Variants in FAM174A observed in about 807,000 individuals in gnomAD.
FAM174A encodes the protein membrane protein FAM174A.
Under a neutral mutation model 14.3 loss-of-function variants are expected in FAM174A, and 14 were observed. The ratio of observed to expected loss-of-function variants is 0.98; its 90% CI spans 0.65 to 1.53. The LOEUF (loss-of-function observed/expected upper bound fraction) is 1.53. Among genes scored for constraint, FAM174A ranks in the 40% most tolerant of loss-of-function variants. FAM174A has a pLI of 0.00. For missense variants in FAM174A, 241 were observed against 249.6 expected (o/e 0.97, Z 0.23); for synonymous variants, 108 against 111.4 (o/e 0.97, Z 0.19).
intron 2 of FAM174A, among the ~76,000 whole-genome samples, chr5:100,581,903 G>C (rs1004863805): frequency 9.2e-5 from 14 of 152,100 alleles, no homozygotes; most frequent in Non-Finnish European, 2.1e-4. Context: ...ATGCTAATTT[G>C]CATATGTTTT....
At chr5:100,557,190 A>G (rs1746409055) in intron 1 of FAM174A, among the ~76,000 whole-genome samples, 1 of 151,606 alleles carries the variant, frequency 6.6e-6, no homozygotes, top group Non-Finnish European at 1.5e-5. Context: ...TTCTGCATCT[A>G]TTGAGATAAT....
chr5:100,571,691 T>TATATATATAC (rs1320690709), intron 2 of FAM174A, among the ~76,000 whole-genome samples: 168 of 146,594 alleles, frequency 1.1e-3, no homozygotes, highest in African/African-American at 3.6e-3. Context: ...TATATATATA[T>TATATATATAC]ACACACACAC....
intron 1 of FAM174A, among the ~76,000 whole-genome samples, chr5:100,551,044 AG>A (rs1746252624): frequency 6.6e-6 from 1 of 152,186 alleles, no homozygotes. Context: ...TAGAGAATGA[AG>A]GGAAGGTTAA....
At chr5:100,576,462 G>A (rs1289509008) in intron 2 of FAM174A, among the ~76,000 whole-genome samples, 2 of 152,106 alleles carry the variant, frequency 1.3e-5, no homozygotes, top group African/African-American at 2.4e-5. Context: ...ACTCTTTTAT[G>A]TCTCTTTCTT....
intron 1 of FAM174A, among the ~76,000 whole-genome samples, chr5:100,549,795 A>T (rs1561314328): frequency 6.6e-6 from 1 of 152,144 alleles, no homozygotes; most frequent in Non-Finnish European, 1.5e-5. Context: ...AAAAATGCTA[A>T]AGGAATTCAA....
chr5:100,543,822 A>C (rs1325232485), intron 1 of FAM174A, among the ~76,000 whole-genome samples: 1 of 152,168 alleles, frequency 6.6e-6, no homozygotes, highest in Non-Finnish European at 1.5e-5. Flanking sequence ...AATTCTTTGC[A>C]TTCTTTCTTT....
At chr5:100,556,540 C>T (rs1318862665) in intron 1 of FAM174A, among the ~76,000 whole-genome samples, 1 of 152,100 alleles carries the variant, frequency 6.6e-6, no homozygotes, top group Non-Finnish European at 1.5e-5. Context: ...GGCAGTATGG[C>T]CATTTTCACG....
intron 2 of FAM174A, among the ~76,000 whole-genome samples, chr5:100,569,742 T>TA (rs909777262): frequency 2.0e-5 from 3 of 151,846 alleles, no homozygotes; most frequent in Non-Finnish European, 4.4e-5. Context: ...GGCACTCTAC[T>TA]AAGCTCTGGG....
chr5:100,561,330 T>A lies in FAM174A; in HGVS notation c.435-724T>A, dbSNP rs142294916. On this transcript the variant is annotated intron_variant, in intron 1 of 2. Coordinates refer to ENST00000312637, the MANE Select transcript of FAM174A (RefSeq NM_198507.3). The stretch of plus-strand genomic sequence containing the variant: ...TTAAAAGACAGGTTTCTGGGCCCCA[T>A]CTTCAAAGTTTGTTATTCACTAGGT... Among the ~76,000 whole-genome samples, 80 of 152,002 alleles carry A rather than the reference T, an allele frequency of 5.3e-4. No individual in the cohort carries two copies. The South Asian group carries it at 0.016, about 30-fold the overall frequency.
intron 1 of FAM174A, among the ~76,000 whole-genome samples, chr5:100,552,077 A>T (rs1746273100): frequency 6.6e-6 from 1 of 152,166 alleles, no homozygotes; most frequent in East Asian, 1.9e-4. Flanking sequence ...GTGACAACTG[A>T]TGGATTGGGT....
At position 100,580,465 on chromosome 5, in the gene FAM174A, A is replaced by T. The variant is rs142666643; in HGVS notation, c.570-5716A>T. Among the ~76,000 whole-genome samples the T allele has an allele frequency of 2.4e-4, 37 of 152,302 alleles. 1 individual carries two copies. The East Asian group carries it at 7.1e-3, about 29-fold the overall frequency. Reference sequence around the variant, plus strand: ...AAGGAAAGCAGGTCCGAGTTCCAAAACTGAAGAACTTGGAGTCCGATATTC... The same window carrying T: ...AAGGAAAGCAGGTCCGAGTTCCAAATCTGAAGAACTTGGAGTCCGATATTC... On this transcript the variant is annotated intron_variant, in intron 2 of 2. Transcript: ENST00000312637.
chr5:100,561,739 T>C (rs1746526923), intron 1 of FAM174A, among the ~76,000 whole-genome samples: 1 of 151,838 alleles, frequency 6.6e-6, no homozygotes, highest in African/African-American at 2.4e-5. Flanking sequence ...GTACCTGACC[T>C]AAGCCTTTAA....
At chr5:100,540,535 T>A (rs532884786) in intron 1 of FAM174A, among the ~76,000 whole-genome samples, 1 of 152,314 alleles carries the variant, frequency 6.6e-6, no homozygotes, top group African/African-American at 2.4e-5. Flanking sequence ...ACCCAGAAAC[T>A]TGGAAATGTA....
At chr5:100,552,042 G>C (rs1439641885) in intron 1 of FAM174A, among the ~76,000 whole-genome samples, 1 of 152,154 alleles carries the variant, frequency 6.6e-6, no homozygotes, top group Non-Finnish European at 1.5e-5. Context: ...TCCCTTATTA[G>C]TATCTGATTC....
chr5:100,562,423 G>C (rs1478912072), intron 2 of FAM174A, among the ~76,000 whole-genome samples: 2 of 151,562 alleles, frequency 1.3e-5, no homozygotes, highest in East Asian at 3.9e-4. Flanking sequence ...TTATTCTTCT[G>C]TTTTTATCTT....
At chr5:100,566,141 G>GAGATATATAT (rs1554047540) in intron 2 of FAM174A, among the ~76,000 whole-genome samples, 2 of 81,810 alleles carry the variant, frequency 2.4e-5, no homozygotes, top group East Asian at 4.1e-4. Context: ...TGAAAAGTAT[G>GAGATATATAT]ATATATATAT....
intron 1 of FAM174A, among the ~76,000 whole-genome samples, chr5:100,545,128 T>C (rs1273875868): frequency 1.3e-5 from 2 of 152,232 alleles, no homozygotes; most frequent in Non-Finnish European, 2.9e-5. Context: ...ATTTCTCTTC[T>C]ATATTATTGC....
intron 1 of FAM174A, among the ~76,000 whole-genome samples, chr5:100,553,936 TA>T (rs1373170376): frequency 6.6e-6 from 1 of 152,206 alleles, no homozygotes; most frequent in Admixed American, 6.5e-5. Context: ...TCTACATTCA[TA>T]TCATTTTTGT....
intron 1 of FAM174A, among the ~76,000 whole-genome samples, chr5:100,549,435 T>C (rs1746220328): frequency 6.6e-6 from 1 of 152,118 alleles, no homozygotes; most frequent in Non-Finnish European, 1.5e-5. Context: ...TATATAACGT[T>C]GATTTAGGAT....
Sources: gnomAD v4.1 joint callset for allele counts (sites outside exome capture counted in the v4.1 genomes callset) on GRCh38, gnomAD v4.1.1 for gene constraint, MANE v1.5 for transcripts, NCBI Gene and HGNC (gene_info 2026-07-23, HGNC 2026-07-21) for gene names.